Variants in JAKMIP1 observed in about 807,000 individuals in gnomAD.
JAKMIP1 encodes janus kinase and microtubule interacting protein 1.
In JAKMIP1, 33 loss-of-function variants were observed where a neutral mutation model predicts 113.0. The ratio of observed to expected loss-of-function variants is 0.29; its 90% confidence interval spans 0.22 to 0.39. The LOEUF (loss-of-function observed/expected upper bound fraction) is 0.39. Ranked by LOEUF, JAKMIP1 falls within the 10% of genes least tolerant of loss-of-function variation. JAKMIP1 has a pLI of 1.00. For missense variants in JAKMIP1, 813 were observed against 1,080.5 expected (o/e 0.75, Z 3.47); for synonymous variants, 480 against 459.9 (o/e 1.04, Z -0.56).
intron 1 of JAKMIP1, among the ~76,000 whole-genome samples, chr4:6,145,307 C>T (rs1720705177): frequency 6.6e-6 from 1 of 152,160 alleles, no homozygotes; most frequent in Non-Finnish European, 1.5e-5. Flanking sequence ...CTGACATATA[C>T]AGAACCTCTG....
At position 6,181,871 on chromosome 4, in the gene JAKMIP1, CAG is replaced by C. The variant is rs1726064744; in HGVS notation, c.-148+18380_-148+18381del. Among the ~76,000 whole-genome samples, 1 of 152,086 alleles carries C rather than the reference CAG, an allele frequency of 6.6e-6. No homozygotes were observed. Among genetic ancestry groups the C allele is most frequent in the Non-Finnish European group, 1.5e-5 (1 of 68,022 alleles). Reference sequence around the variant, plus strand: ...TCACACACTGTGACCATGGCTGTGACAGACAGATGTACAGGGAGGGACCCGCC... The same window carrying C: ...TCACACACTGTGACCATGGCTGTGACACAGATGTACAGGGAGGGACCCGCC... On this transcript the variant is annotated intron_variant, in intron 1 of 20. Coordinates refer to ENST00000409021, the MANE Select transcript of JAKMIP1 (RefSeq NM_001099433.2). This position sits in a 1 kb window ranked among gnomAD's most constrained non-coding sequence, Gnocchi z 5.4.
chr4:6,065,105 T>C lies in JAKMIP1; in HGVS notation c.1303-97A>G. ...GCATGCCAGTGCAGGGGGGTGATGA[T>C]TGACATTTGGGCCACTGGGGCATCA... On this transcript the variant is annotated intron_variant, in intron 8 of 20. Coordinates refer to ENST00000409021, the MANE Select transcript of JAKMIP1 (RefSeq NM_001099433.2). This position sits in a 1 kb window ranked among gnomAD's most constrained non-coding sequence, Gnocchi z 5.1. 8 of 1,483,686 alleles carry C rather than the reference T, an allele frequency of 5.4e-6. No homozygotes were observed. The highest frequency in any genetic ancestry group is 1.7e-4 in the Middle Eastern group (1 of 5,812). 91.9% of individuals were successfully genotyped at this position (1,483,686 alleles called of 1,614,324 possible).
chr4:6,083,191 T>A (rs1720834851), intron 5 of JAKMIP1, among the ~76,000 whole-genome samples: 2 of 151,928 alleles, frequency 1.3e-5, no homozygotes, highest in Admixed American at 6.6e-5. Flanking sequence ...TCACTTGAGG[T>A]CAGGAGTTCA....
Position 6,049,903 on chromosome 4 carries a change from G to A in JAKMIP1, c.1909-31C>T. 6.5e-7 allele frequency: 1 copy of A among 1,541,274 alleles called. No homozygotes were observed. ...AGAGATTTCCAACGTTCATTTTTGT[G>A]TGAGCTACAGAGACCAACCATACCA... is the stretch of plus-strand genomic sequence containing the variant. On this transcript the variant is annotated intron_variant, in intron 14 of 20. Transcript: ENST00000409021. This position sits in a 1 kb window ranked among gnomAD's most constrained non-coding sequence, Gnocchi z 7.0.
chr4:6,153,132 G>A lies in JAKMIP1; in HGVS notation c.-147-40135C>T, dbSNP rs543281470. 6.6e-6 allele frequency among the ~76,000 whole-genome samples: 1 copy of A among 152,126 alleles called. No individual in the cohort carries two copies. The highest frequency in any genetic ancestry group is 2.4e-5 in the African/African-American group (1 of 41,510). On this transcript the variant is annotated intron_variant, in intron 1 of 20. Transcript: ENST00000409021. The surrounding 1 kb of genome is among the most constrained non-coding windows in gnomAD (Gnocchi z 4.9). ...AGACTACACAGGCAGATTCACACTT[G>A]CCAGCCAAGGCTTCAAAATCAAGCT... is the stretch of plus-strand genomic sequence containing the variant.
rs568632942 is a variant in JAKMIP1, at chr4:6,145,162, G to T, written c.-147-32165C>A. 7.2e-5 allele frequency among the ~76,000 whole-genome samples: 11 copies of T among 152,254 alleles called. No individual in the cohort carries two copies. In the South Asian group the frequency reaches 2.3e-3, roughly 32 times the overall value. On this transcript the variant is annotated intron_variant, in intron 1 of 20. Coordinates refer to ENST00000409021, the MANE Select transcript of JAKMIP1 (RefSeq NM_001099433.2). ...CAAGTACCTTTTTGCACCACCACTG[G>T]ATCAGCATGATCATTAATAATGAAT...
intron 1 of JAKMIP1, among the ~76,000 whole-genome samples, chr4:6,198,314 G>GA (rs375652480): frequency 1.5e-5 from 1 of 67,106 alleles, no homozygotes; most frequent in Non-Finnish European, 4.0e-5. Flanking sequence ...CATTGTTTTA[G>GA]ACGGGGGGAA....
At chr4:6,041,805 G>A (rs1021632286) in intron 17 of JAKMIP1, among the ~76,000 whole-genome samples, 8 of 152,178 alleles carry the variant, frequency 5.3e-5, no homozygotes, top group Admixed American at 5.2e-4. Context: ...TCTGGGCTGT[G>A]TCTCTCCTAA....
intron 1 of JAKMIP1, among the ~76,000 whole-genome samples, chr4:6,113,925 C>T (rs1037979629): frequency 6.7e-6 from 1 of 149,528 alleles, no homozygotes; most frequent in African/African-American, 2.4e-5. Context: ...CCGCCAGGTG[C>T]GTGAATGAAT....
Position 6,153,942 on chromosome 4 carries a change from G to C in JAKMIP1, c.-147-40945C>G, listed in dbSNP as rs945351193. On this transcript the variant is annotated intron_variant, in intron 1 of 20. Transcript: ENST00000409021. The surrounding 1 kb of genome is among the most constrained non-coding windows in gnomAD (Gnocchi z 4.9). ...CCGCTCCCTGAGGCCCCTTTTGGCTGGGAAAGTCTGGATCCTGCCTCTTAC... is the reference window on the plus strand; with the variant it reads ...CCGCTCCCTGAGGCCCCTTTTGGCTCGGAAAGTCTGGATCCTGCCTCTTAC... Among the ~76,000 whole-genome samples the C allele has an allele frequency of 1.3e-5, 2 of 152,204 alleles. No individual in the cohort carries two copies. Among genetic ancestry groups the C allele is most frequent in the Non-Finnish European group, 2.9e-5 (2 of 68,032 alleles).
At chr4:6,063,717 TAGA>T (rs1717646383) in intron 9 of JAKMIP1, among the ~76,000 whole-genome samples, 1 of 152,122 alleles carries the variant, frequency 6.6e-6, no homozygotes, top group Non-Finnish European at 1.5e-5. Flanking sequence ...CTATGGCAAA[TAGA>T]CCCATGGGAG....
chr4:6,066,926 TG>T (rs1229433859), intron 8 of JAKMIP1, among the ~76,000 whole-genome samples: 1 of 151,708 alleles, frequency 6.6e-6, no homozygotes, highest in African/African-American at 2.4e-5. Flanking sequence ...ACACCTGCCA[TG>T]GGGCCTTTGC....
At position 6,200,329 on chromosome 4, in the gene JAKMIP1, GC is replaced by G; in HGVS notation, c.-225del. Reference sequence around the variant, plus strand: ...CAGCCCCGCGCCGCATCCTCCGGCCGCCCCCTCCCCGCTGCGAGCTTACGCC... The same window carrying G: ...CAGCCCCGCGCCGCATCCTCCGGCCGCCCCTCCCCGCTGCGAGCTTACGCC... On this transcript the variant is annotated 5_prime_UTR_variant, in exon 1 of 21. Transcript: ENST00000409021. The surrounding 1 kb of genome is among the most constrained non-coding windows in gnomAD (Gnocchi z 7.0). 6.5e-6 allele frequency: 1 copy of G among 153,968 alleles called. No homozygotes were observed. 9.5% of individuals were successfully genotyped at this position (153,968 alleles called of 1,614,324 possible).
At chr4:6,078,844 A>G (rs974975664) in intron 8 of JAKMIP1, 95 bp downstream of exon 8, 4 of 1,136,022 alleles carry the variant, frequency 3.5e-6, no homozygotes. Flanking sequence ...CTGCTTCAGG[A>G]CCCCTCTGTA....
chr4:6,034,647 C>T (rs533020314), intron 19 of JAKMIP1, among the ~76,000 whole-genome samples: 1 of 152,204 alleles, frequency 6.6e-6, no homozygotes, highest in Non-Finnish European at 1.5e-5. Flanking sequence ...ACTAAGAATA[C>T]AAAAATTAGC....
rs766719527 is a variant in JAKMIP1 at position 6,192,637 on chromosome 4, T to C, written c.-148+7616A>G. On this transcript the variant is annotated intron_variant, in intron 1 of 20. Transcript: ENST00000409021. The surrounding 1 kb of genome is among the most constrained non-coding windows in gnomAD (Gnocchi z 5.0). ...GGGTGGAGTTCGGAAATTAAGTCAA[T>C]AGCAGTGATTACTTATTGCACACCT... Among the ~76,000 whole-genome samples the C allele has an allele frequency of 3.4e-4, 51 of 152,184 alleles. No individual in the cohort carries two copies. The highest frequency in any genetic ancestry group is 6.9e-4 in the Non-Finnish European group (47 of 68,026).
intron 3 of JAKMIP1, among the ~76,000 whole-genome samples, chr4:6,087,366 G>T (rs1291485749): frequency 6.6e-6 from 1 of 152,120 alleles, no homozygotes; most frequent in African/African-American, 2.4e-5. Flanking sequence ...AACCAACTCT[G>T]TCTAACTGTT....
intron 8 of JAKMIP1, among the ~76,000 whole-genome samples, chr4:6,075,790 GC>G (rs1719616372): frequency 6.6e-6 from 1 of 152,222 alleles, no homozygotes; most frequent in South Asian, 2.1e-4. Flanking sequence ...GACAGACACA[GC>G]CCCTGTCCTT....
chr4:6,058,598 T>C (rs1578115774), intron 11 of JAKMIP1, among the ~76,000 whole-genome samples: 1 of 152,244 alleles, frequency 6.6e-6, no homozygotes, highest in Admixed American at 6.5e-5. Flanking sequence ...TAGCTTAGAC[T>C]GGGAGGTCCA....
Sources: gnomAD v4.1 joint callset for allele counts (sites outside exome capture counted in the v4.1 genomes callset) on GRCh38, gnomAD v4.1.1 for gene constraint, Gnocchi (gnomAD v3.1) non-coding constraint, MANE v1.5 for transcripts, NCBI Gene and HGNC (gene_info 2026-07-23, HGNC 2026-07-21) for gene names.